The following GPC5 variants were observed in gnomAD, a reference collection of about 807,000 sequenced individuals.
The protein encoded by GPC5 is glypican-5.
GPC5 carries 47 observed loss-of-function variants against 53.9 expected under a neutral mutation model. The ratio of observed to expected loss-of-function variants is 0.87; its 90% CI spans 0.69 to 1.11. The LOEUF (loss-of-function observed/expected upper bound fraction) is 1.11, where lower values mean the gene tolerates loss of function less well. Ranked by LOEUF, GPC5 falls within the 50% of genes most tolerant of loss-of-function variation. The pLI, the probability that GPC5 is intolerant of heterozygous loss-of-function variation, is 0.00. For synonymous variants in GPC5, 286 were observed against 263.3 expected, an observed-to-expected ratio of 1.09 and a Z score of -0.84; for missense variants, 748 against 713.1, an observed-to-expected ratio of 1.05 and a Z score of -0.56.
chr13:92,846,840 G>A lies in GPC5; in HGVS notation c.1562-19442G>A, dbSNP rs114181245. Among the ~76,000 whole-genome samples the A allele has an allele frequency of 2.3e-3, 353 of 152,198 alleles. 1 individual carries two copies. The highest frequency in any genetic ancestry group is 8.3e-3 in the African/African-American group (344 of 41,544). On this transcript the variant is annotated intron_variant, in intron 7 of 7. Coordinates refer to ENST00000377067, the MANE Select transcript of GPC5 (RefSeq NM_004466.6). Reference sequence around the variant, plus strand: ...CAGAACTATGTGGATATTTTGAAAAGGTACATACACTGTAGATTATTATTT... The same window carrying A: ...CAGAACTATGTGGATATTTTGAAAAAGTACATACACTGTAGATTATTATTT...
intron 2 of GPC5, among the ~76,000 whole-genome samples, chr13:91,515,555 AT>A (rs1885453997): frequency 6.6e-6 from 1 of 152,174 alleles, no homozygotes; most frequent in African/African-American, 2.4e-5. Flanking sequence ...TTGACCCCAA[AT>A]CCCTGTAGTT....
chr13:92,214,266 GT>G (rs2042395138), intron 7 of GPC5, among the ~76,000 whole-genome samples: 1 of 152,084 alleles, frequency 6.6e-6, no homozygotes, highest in South Asian at 2.1e-4. Flanking sequence ...AATTTTGGTA[GT>G]TTCTTACAAA....
intron 2 of GPC5, among the ~76,000 whole-genome samples, chr13:91,617,718 TA>T (rs2033736633): frequency 6.6e-6 from 1 of 151,998 alleles, no homozygotes; most frequent in Non-Finnish European, 1.5e-5. Flanking sequence ...GTGTTAAGGA[TA>T]AAGAAGTGAA....
chr13:92,740,304 T>C (rs1020564015), intron 7 of GPC5, among the ~76,000 whole-genome samples: 3 of 152,102 alleles, frequency 2.0e-5, no homozygotes, highest in African/African-American at 4.8e-5. Flanking sequence ...TTCCTATTAT[T>C]CTGTCCTCTG....
In GPC5 at chr13:92,432,971, A is replaced by C. The variant is rs562624856; in HGVS notation, c.1561+287982A>C. The stretch of plus-strand genomic sequence containing the variant: ...GGTGAGCTTATTAGAGAAACTGTGA[A>C]TAGAATAGAGAAGAATGCAAAGGAC... On this transcript the variant is annotated intron_variant, in intron 7 of 7. Transcript: ENST00000377067. Among the ~76,000 whole-genome samples the C allele has an allele frequency of 2.0e-5, 3 of 152,290 alleles. No individual in the cohort carries two copies. In the East Asian group the frequency reaches 5.8e-4, roughly 29 times the overall value.
intron 7 of GPC5, among the ~76,000 whole-genome samples, chr13:92,711,516 A>G (rs764634846): frequency 2.0e-5 from 3 of 152,140 alleles, no homozygotes; most frequent in Non-Finnish European, 4.4e-5. Context: ...AGCATTTAAT[A>G]TCTCTGTCTC....
At chr13:91,622,775 G>A (rs2033896387) in intron 2 of GPC5, among the ~76,000 whole-genome samples, 1 of 152,114 alleles carries the variant, frequency 6.6e-6, no homozygotes, top group African/African-American at 2.4e-5. Flanking sequence ...TTGAAAGATT[G>A]AAAGACAGCT....
intron 2 of GPC5, among the ~76,000 whole-genome samples, chr13:91,490,356 A>C (rs1292220935): frequency 1.1e-4 from 16 of 152,186 alleles, no homozygotes; most frequent in Non-Finnish European, 2.4e-4. Context: ...AGAAATAAGA[A>C]ATTTCAGAAT....
At chr13:91,983,311 A>T (rs564865532) in intron 6 of GPC5, among the ~76,000 whole-genome samples, 1 of 151,902 alleles carries the variant, frequency 6.6e-6, no homozygotes, top group Admixed American at 6.6e-5. Context: ...GCGCCACTGC[A>T]CTTCAGCCTG....
chr13:92,847,800 G>C (rs1379356804), intron 7 of GPC5, among the ~76,000 whole-genome samples: 2 of 152,098 alleles, frequency 1.3e-5, no homozygotes, highest in Non-Finnish European at 2.9e-5. Context: ...CGTGTATCAA[G>C]TGCTAACTAT....
At chr13:91,629,287 T>C (rs934968027) in intron 2 of GPC5, among the ~76,000 whole-genome samples, 3 of 152,136 alleles carry the variant, frequency 2.0e-5, no homozygotes, top group African/African-American at 7.2e-5. Context: ...TATTATACTT[T>C]CCTTGTCATA....
intron 6 of GPC5, among the ~76,000 whole-genome samples, chr13:92,041,018 T>C (rs2040937670): frequency 6.6e-6 from 1 of 151,732 alleles, no homozygotes; most frequent in African/African-American, 2.4e-5. Context: ...ACCCGGATAA[T>C]TTTTTGTATT....
intron 7 of GPC5, among the ~76,000 whole-genome samples, chr13:92,647,200 T>C (rs1229377128): frequency 6.6e-6 from 1 of 152,140 alleles, no homozygotes; most frequent in Non-Finnish European, 1.5e-5. Flanking sequence ...TTTTCAACCT[T>C]AGGGGATATT....
intron 7 of GPC5, among the ~76,000 whole-genome samples, chr13:92,784,698 C>T (rs754654651): frequency 1.3e-5 from 2 of 152,002 alleles, no homozygotes; most frequent in Admixed American, 6.6e-5. Flanking sequence ...TATGTTTATC[C>T]TATTTCAGTT....
chr13:92,203,850 C>T (rs1470232547), intron 7 of GPC5, among the ~76,000 whole-genome samples: 1 of 149,236 alleles, frequency 6.7e-6, no homozygotes, highest in Non-Finnish European at 1.5e-5. Context: ...CTCGGTAAAA[C>T]TGCTGAAATC....
chr13:91,854,916 G>A (rs1003600374), intron 5 of GPC5, among the ~76,000 whole-genome samples: 1 of 151,640 alleles, frequency 6.6e-6, no homozygotes, highest in Admixed American at 6.6e-5. Context: ...GTTAAAATGA[G>A]AATTCAGCAC....
intron 7 of GPC5, among the ~76,000 whole-genome samples, chr13:92,646,599 G>T (rs1885778173): frequency 6.6e-6 from 1 of 151,886 alleles, no homozygotes; most frequent in Non-Finnish European, 1.5e-5. Context: ...AAATAAATTT[G>T]GGTAGAACTG....
intron 7 of GPC5, among the ~76,000 whole-genome samples, chr13:92,818,365 ATAAT>A (rs1310483164): frequency 6.6e-5 from 10 of 152,012 alleles, no homozygotes; most frequent in Non-Finnish European, 1.3e-4. Context: ...TGCTTTATAA[ATAAT>A]TCTTTATTAA....
In GPC5 at chr13:92,281,961, G is replaced by A. The variant is rs185916085; in HGVS notation, c.1561+136972G>A. Among the ~76,000 whole-genome samples, 576 of 152,264 alleles carry A rather than the reference G, an allele frequency of 3.8e-3. 1 individual carries two copies. Among genetic ancestry groups the A allele is most frequent in the Non-Finnish European group, 7.0e-3 (476 of 68,016 alleles). ...ATCAAACTTCTCTGAGCTAAAGGAG[G>A]AAGTTCAATCCCAACACAAAGAAGC... On this transcript the variant is annotated intron_variant, in intron 7 of 7. Transcript: ENST00000377067.
Sources: allele counts gnomAD v4.1 joint callset (sites outside exome capture counted in the v4.1 genomes callset), GRCh38; gene constraint gnomAD v4.1.1; transcripts MANE v1.5; gene names NCBI Gene and HGNC (gene_info 2026-07-23, HGNC 2026-07-21).